Variants in LHPP observed in about 807,000 individuals in gnomAD.
The protein encoded by LHPP is hLHPP.
Under a neutral mutation model 30.3 loss-of-function variants are expected in LHPP, and 24 were observed. The ratio of observed to expected loss-of-function variants is 0.79; its 90% CI spans 0.57 to 1.11. LHPP has a LOEUF of 1.11. Among genes scored for constraint, LHPP ranks in the 50% most tolerant of loss-of-function variants. The pLI is 0.00. For missense variants in LHPP, 356 were observed against 367.2 expected (o/e 0.97, Z 0.25); for synonymous variants, 150 against 157.1 (o/e 0.95, Z 0.34).
chr10:124,585,950 A>G (rs1475239842), intron 6 of LHPP, among the ~76,000 whole-genome samples: 2 of 152,036 alleles, frequency 1.3e-5, no homozygotes, highest in African/African-American at 4.8e-5. Flanking sequence ...ACACCCAGCT[A>G]ATTTTTATAT....
chr10:124,474,388 C>T (rs1430744696), intron 1 of LHPP, among the ~76,000 whole-genome samples: 1 of 152,048 alleles, frequency 6.6e-6, no homozygotes, highest in East Asian at 1.9e-4. Flanking sequence ...GATCTGCCCA[C>T]CTCAGTCTCC....
intron 6 of LHPP, among the ~76,000 whole-genome samples, chr10:124,536,853 G>A (rs748894116): frequency 7.2e-5 from 11 of 152,150 alleles, no homozygotes; most frequent in African/African-American, 1.7e-4. Context: ...CTGGTGGGTC[G>A]TGTTGGAAGC....
intron 6 of LHPP, among the ~76,000 whole-genome samples, chr10:124,574,323 G>A (rs7073508): frequency 0.17 from 25,611 of 152,070 alleles, 2,352 homozygotes; most frequent in South Asian, 0.26. Flanking sequence ...CAGCAGGCTC[G>A]CCCCCCTGCG....
chr10:124,552,804 C>T (rs1381483205), intron 6 of LHPP, among the ~76,000 whole-genome samples: 14 of 152,232 alleles, frequency 9.2e-5, no homozygotes, highest in African/African-American at 3.1e-4. Flanking sequence ...CCTGGACAAT[C>T]AGGACGATCC....
At chr10:124,594,101 G>A (rs1028463024) in intron 6 of LHPP, among the ~76,000 whole-genome samples, 24 of 152,176 alleles carry the variant, frequency 1.6e-4, no homozygotes, top group African/African-American at 5.3e-4. Context: ...GCTGAGGCAG[G>A]CGGATCACTT....
At chr10:124,498,660 CTTTTTTTTTTTTT>C (rs552228070) in intron 5 of LHPP, 7 of 354,454 alleles carry the variant, frequency 2.0e-5, no homozygotes, top group South Asian at 1.0e-4. Flanking sequence ...TTTTCTTTTT[CTTTTTTTTTTTTT>C]TTTTTTTTTG....
chr10:124,568,542 G>A (rs1277320165), intron 6 of LHPP, among the ~76,000 whole-genome samples: 1 of 152,198 alleles, frequency 6.6e-6, no homozygotes, highest in African/African-American at 2.4e-5. Context: ...GGCGTGGAGA[G>A]GTGTGGCCAC....
intron 6 of LHPP, among the ~76,000 whole-genome samples, chr10:124,535,548 A>T (rs916393133): frequency 2.0e-5 from 3 of 151,850 alleles, no homozygotes; most frequent in African/African-American, 7.3e-5. Context: ...GGCACATGCC[A>T]CAATGCCTGG....
At chr10:124,462,037 C>T in intron 1 of LHPP, 50 bp downstream of exon 1, 1 of 1,192,242 alleles carries the variant, frequency 8.4e-7, no homozygotes, top group Non-Finnish European at 1.0e-6. Context: ...TAAGCTCAGC[C>T]CGCTCCCTGG....
intron 6 of LHPP, among the ~76,000 whole-genome samples, chr10:124,525,430 G>C (rs929218875): frequency 8.5e-5 from 13 of 152,222 alleles, no homozygotes; most frequent in Non-Finnish European, 1.9e-4. Flanking sequence ...ACCACGGGGG[G>C]ACCCTGTTGC....
At chr10:124,524,062 G>C (rs1954671832) in intron 6 of LHPP, among the ~76,000 whole-genome samples, 1 of 152,046 alleles carries the variant, frequency 6.6e-6, no homozygotes, top group Non-Finnish European at 1.5e-5. Flanking sequence ...TTTGGTAACA[G>C]CTTTATTGAG....
chr10:124,561,857 C>T (rs1315619741), intron 6 of LHPP, among the ~76,000 whole-genome samples: 1 of 152,052 alleles, frequency 6.6e-6, no homozygotes, highest in Non-Finnish European at 1.5e-5. Context: ...CCAAGGAAAC[C>T]CCAACATGAA....
rs777259817 is a variant in LHPP at position 124,488,568 on chromosome 10, G to T, written c.460G>T (p.Gly154Ter). 1.2e-6 allele frequency: 2 copies of T among 1,609,014 alleles called. No individual in the cohort carries two copies. Among genetic ancestry groups the T allele is most frequent in the Non-Finnish European group, 1.7e-6 (2 of 1,178,538 alleles). The stretch of plus-strand genomic sequence containing the variant: ...GGAAAAACCTGTGCTCATATCACTG[G>T]GAAAAGGGTAAGTTGGCTCCAGGGA... ...ELEKPVLISL[G>*]KGRYYKETSG... The change falls in exon 3 of 7, where the codon GGA becomes TGA. Residue 154 changes from glycine (G) to a stop codon, truncating the protein, a stop_gained. Coordinates refer to ENST00000368842, the MANE Select transcript of LHPP (RefSeq NM_022126.4). LOFTEE classifies it high-confidence loss of function.
intron 6 of LHPP, among the ~76,000 whole-genome samples, chr10:124,570,046 A>C (rs1948559029): frequency 6.6e-6 from 1 of 152,040 alleles, no homozygotes; most frequent in African/African-American, 2.4e-5. Flanking sequence ...GCAGGTGAGG[A>C]GGGCCTTCTA....
chr10:124,504,251 C>T (rs1953993620), intron 5 of LHPP, among the ~76,000 whole-genome samples: 2 of 151,274 alleles, frequency 1.3e-5, no homozygotes, highest in East Asian at 2.0e-4. Context: ...CAGCCCCCTT[C>T]CCCCGACCCA....
intron 6 of LHPP, among the ~76,000 whole-genome samples, chr10:124,591,997 C>A (rs1406248283): frequency 6.6e-6 from 1 of 152,170 alleles, no homozygotes; most frequent in Non-Finnish European, 1.5e-5. Flanking sequence ...TTCTCCCCAC[C>A]TTGTAACACA....
At chr10:124,550,428 G>A (rs766581361) in intron 6 of LHPP, among the ~76,000 whole-genome samples, 4 of 152,300 alleles carry the variant, frequency 2.6e-5, no homozygotes, top group South Asian at 4.1e-4. Context: ...CTGCCCCTGC[G>A]CCTTGTGGCA....
rs1017135955 is a variant in LHPP, at chr10:124,593,754, G to A, written c.717-19510G>A. 1.3e-5 allele frequency among the ~76,000 whole-genome samples: 2 copies of A among 152,254 alleles called. No homozygotes were observed. Among genetic ancestry groups the A allele is most frequent in the East Asian group, 1.9e-4 (1 of 5,196 alleles). ...TCTGGGCAGTCTCCAGGTCATGCGC[G>A]TTTGACGCAGGAGGTTTTGCCGGCG... On this transcript the variant is annotated intron_variant, in intron 6 of 6. Coordinates refer to ENST00000368842, the MANE Select transcript of LHPP (RefSeq NM_022126.4). This position sits in a 1 kb window ranked among gnomAD's most constrained non-coding sequence, Gnocchi z 4.9.
At chr10:124,612,581 C>T (rs935057273) in intron 6 of LHPP, among the ~76,000 whole-genome samples, 1 of 152,160 alleles carries the variant, frequency 6.6e-6, no homozygotes, top group Non-Finnish European at 1.5e-5. Flanking sequence ...GGCCTCTGCA[C>T]TGTCTCATGG....
Sources: allele counts gnomAD v4.1 joint callset (sites outside exome capture counted in the v4.1 genomes callset), GRCh38; gene constraint gnomAD v4.1.1; non-coding constraint Gnocchi (gnomAD v3.1); transcripts MANE v1.5; gene names NCBI Gene and HGNC (gene_info 2026-07-23, HGNC 2026-07-21).